The following PAM variants were observed in gnomAD, a reference collection of about 807,000 sequenced individuals.
PAM encodes peptidyl-glycine alpha-amidating monooxygenase.
PAM carries 72 observed loss-of-function variants against 122.1 expected under a neutral mutation model. The ratio of observed to expected loss-of-function variants is 0.59; its 90% CI spans 0.49 to 0.72. The LOEUF is 0.72. Among genes scored for constraint, PAM ranks in the 30% least tolerant of loss-of-function variants. The pLI, the probability that PAM is intolerant of heterozygous loss-of-function variation, is 0.00. For missense variants in PAM, 1,106 were observed against 1,183.7 expected, an observed-to-expected ratio of 0.93 and a Z score of 0.96; for synonymous variants, 389 against 404.4, an observed-to-expected ratio of 0.96 and a Z score of 0.46.
intron 15 of PAM, among the ~76,000 whole-genome samples, chr5:102,979,715 C>T (rs989881664): frequency 1.3e-5 from 2 of 151,976 alleles, no homozygotes; most frequent in Admixed American, 6.5e-5. Flanking sequence ...ACAGTGATCA[C>T]TAATATTAAT....
chr5:102,954,012 C>T (rs1759867223), intron 12 of PAM, among the ~76,000 whole-genome samples: 1 of 151,786 alleles, frequency 6.6e-6, no homozygotes, highest in Admixed American at 6.6e-5. Context: ...ATAACAGGAG[C>T]AATGTTTCCC....
chr5:103,012,924 A>G (rs1163359875), intron 21 of PAM, among the ~76,000 whole-genome samples: 5 of 151,300 alleles, frequency 3.3e-5, no homozygotes, highest in Non-Finnish European at 7.4e-5. Flanking sequence ...ATGCGATTCC[A>G]TTGGTCTATG....
At chr5:102,974,036 A>G (rs1766762674) in intron 14 of PAM, 80 bp from the exon 15 acceptor site, 1 of 894,286 alleles carries the variant, frequency 1.1e-6, no homozygotes. Flanking sequence ...ATGAGTAGAT[A>G]TTTTTTAAAG....
intron 1 of PAM, among the ~76,000 whole-genome samples, chr5:102,778,548 T>C (rs1757784960): frequency 6.6e-6 from 1 of 152,158 alleles, no homozygotes; most frequent in Admixed American, 6.6e-5. Flanking sequence ...ATATGATGGA[T>C]AAAATGAATC....
chr5:102,920,472 A>G lies in PAM; in HGVS notation c.357-4485A>G, dbSNP rs116633787. 6.7e-3 allele frequency among the ~76,000 whole-genome samples: 1,012 copies of G among 152,140 alleles called. 8 individuals are homozygous for G. The highest frequency in any genetic ancestry group is 0.012 in the Non-Finnish European group (844 of 67,930). ...TTTATCAGGCTGATATTTCTTAATC[A>G]CCATTCTAATTTGCTTTTTCATTAT... On this transcript the variant is annotated intron_variant, in intron 5 of 25. Coordinates refer to ENST00000438793, the MANE Select transcript of PAM (RefSeq NM_001177306.2).
At chr5:102,882,084 T>C (rs1213167262) in intron 3 of PAM, among the ~76,000 whole-genome samples, 6 of 60,048 alleles carry the variant, frequency 1.0e-4, no homozygotes, top group East Asian at 1.2e-3. Flanking sequence ...TATATATATA[T>C]ATATATATAT....
chr5:102,806,580 C>CAT (rs1041940642), intron 1 of PAM, among the ~76,000 whole-genome samples: 1 of 152,068 alleles, frequency 6.6e-6, no homozygotes, highest in African/African-American at 2.4e-5. Flanking sequence ...GTGATATATA[C>CAT]ATATATATAC....
chr5:102,760,751 GT>G (rs1400663811), intron 1 of PAM, among the ~76,000 whole-genome samples: 1 of 152,178 alleles, frequency 6.6e-6, no homozygotes, highest in African/African-American at 2.4e-5. Flanking sequence ...TTGACTTCAT[GT>G]TAGATTCACA....
chr5:102,829,327 C>T (rs1432379340), intron 1 of PAM, among the ~76,000 whole-genome samples: 2 of 148,818 alleles, frequency 1.3e-5, no homozygotes, highest in African/African-American at 2.5e-5. Context: ...AGTATATAGT[C>T]GTTAAATAAG....
intron 1 of PAM, among the ~76,000 whole-genome samples, chr5:102,788,328 T>G (rs1761112228): frequency 6.6e-6 from 1 of 152,068 alleles, no homozygotes; most frequent in South Asian, 2.1e-4. Context: ...TTGATGAAGG[T>G]GGCAGTGAGT....
chr5:102,833,844 T>A (rs1025754584), intron 1 of PAM, among the ~76,000 whole-genome samples: 2 of 152,086 alleles, frequency 1.3e-5, no homozygotes, highest in Admixed American at 6.6e-5. Flanking sequence ...TGAGAAGAGA[T>A]CCTACATTGG....
chr5:102,833,179 C>T (rs771655415), intron 1 of PAM, among the ~76,000 whole-genome samples: 20 of 152,020 alleles, frequency 1.3e-4, no homozygotes, highest in Non-Finnish European at 2.1e-4. Context: ...AAATTTTGTG[C>T]ACATCATATC....
chr5:102,806,481 G>T (rs929608977), intron 1 of PAM, among the ~76,000 whole-genome samples: 3 of 152,170 alleles, frequency 2.0e-5, no homozygotes, highest in Non-Finnish European at 4.4e-5. Flanking sequence ...AACACTTCTG[G>T]CCAAATGTCC....
chr5:103,022,225 A>C, intron 23 of PAM, among the ~76,000 whole-genome samples: 1 of 140,260 alleles, frequency 7.1e-6, no homozygotes, highest in Non-Finnish European at 1.6e-5. Flanking sequence ...CATTGTAAGG[A>C]AACACATTAA....
chr5:102,971,899 T>A (rs1458673210), intron 14 of PAM, among the ~76,000 whole-genome samples: 1 of 152,204 alleles, frequency 6.6e-6, no homozygotes, highest in East Asian at 1.9e-4. Flanking sequence ...AGCCATCTAG[T>A]GGTCTCTCTC....
intron 1 of PAM, among the ~76,000 whole-genome samples, chr5:102,767,664 C>A (rs1272080132): frequency 6.6e-6 from 1 of 152,096 alleles, no homozygotes; most frequent in Non-Finnish European, 1.5e-5. Flanking sequence ...CCCCTATATT[C>A]CAAATAGCTA....
chr5:102,828,673 C>G (rs745879866), intron 1 of PAM, among the ~76,000 whole-genome samples: 8 of 152,042 alleles, frequency 5.3e-5, no homozygotes, highest in Non-Finnish European at 1.2e-4. Flanking sequence ...AGAAGGTGCC[C>G]AATAAAGTTT....
chr5:102,860,174 C>T (rs1178469029), intron 1 of PAM, among the ~76,000 whole-genome samples: 9 of 152,046 alleles, frequency 5.9e-5, no homozygotes, highest in African/African-American at 2.2e-4. Context: ...GGAAGGGTGG[C>T]CTGGCATGGG....
rs147065045 is a variant in PAM at position 102,779,918 on chromosome 5, T to TATAC, written c.-374+24571_-374+24572insTACA. Among the ~76,000 whole-genome samples the TATAC allele has an allele frequency of 8.4e-4, 80 of 95,662 alleles. 1 individual carries two copies. Among genetic ancestry groups the TATAC allele is most frequent in the South Asian group, 4.1e-3 (11 of 2,714 alleles). The allele number at this position is 95,662 out of a possible 152,430, so 62.8% of individuals were successfully genotyped here. A position where few individuals can be genotyped will look rare whatever the true frequency, so the allele number is the denominator to read the frequency against. On this transcript the variant is annotated intron_variant, in intron 1 of 25. Transcript: ENST00000438793. ...ATATATATATATATATATATATATA[T>TATAC]ACACACATATATATATGTATATATC...
Sources: gnomAD v4.1 joint callset for allele counts (sites outside exome capture counted in the v4.1 genomes callset) on GRCh38, gnomAD v4.1.1 for gene constraint, MANE v1.5 for transcripts, NCBI Gene and HGNC (gene_info 2026-07-23, HGNC 2026-07-21) for gene names.